The following REEP3 variants were observed in gnomAD, a reference collection of about 807,000 sequenced individuals.
The protein encoded by REEP3 is receptor accessory protein 3, also known as receptor expression-enhancing protein 3.
Under a neutral mutation model 41.3 loss-of-function variants are expected in REEP3, and 20 were observed. The observed-to-expected ratio is 0.48, with a 90% CI of 0.34 to 0.70. REEP3 has a LOEUF of 0.70. Among genes scored for constraint, REEP3 ranks in the 30% least tolerant of loss-of-function variants. The pLI is 0.01. For missense variants in REEP3, 271 were observed against 308.8 expected, an observed-to-expected ratio of 0.88 and a Z score of 0.92; for synonymous variants, 104 against 101.8, an observed-to-expected ratio of 1.02 and a Z score of -0.13.
chr10:63,598,467 G>A (rs1174388485), intron 4 of REEP3, among the ~76,000 whole-genome samples: 1 of 106,120 alleles, frequency 9.4e-6, no homozygotes, highest in Admixed American at 1.4e-4. Context: ...CTGAGTGACA[G>A]AATGAGACTC....
chr10:63,559,691 G>A (rs1955723036), intron 1 of REEP3, among the ~76,000 whole-genome samples: 1 of 152,072 alleles, frequency 6.6e-6, no homozygotes, highest in Non-Finnish European at 1.5e-5. Context: ...CTGTAAAATT[G>A]GTTTTAAAAT....
At chr10:63,605,537 T>A (rs1229609552) in intron 5 of REEP3, among the ~76,000 whole-genome samples, 1 of 152,234 alleles carries the variant, frequency 6.6e-6, no homozygotes, top group Non-Finnish European at 1.5e-5. Flanking sequence ...TATATGTTTT[T>A]AAATCTGTGA....
At chr10:63,582,209 G>A (rs539724757) in intron 2 of REEP3, among the ~76,000 whole-genome samples, 1 of 152,336 alleles carries the variant, frequency 6.6e-6, no homozygotes, top group South Asian at 2.1e-4. Context: ...AGGCTTCCAG[G>A]TGATGCCAGT....
intron 1 of REEP3, among the ~76,000 whole-genome samples, chr10:63,524,335 G>A (rs1955337751): frequency 6.6e-6 from 1 of 152,120 alleles, no homozygotes; most frequent in South Asian, 2.1e-4. Flanking sequence ...ACCTCTGGTA[G>A]CATGGGCAGG....
At chr10:63,562,835 T>G (rs564202871) in intron 1 of REEP3, 1 of 426,796 alleles carries the variant, frequency 2.3e-6, no homozygotes, top group Admixed American at 2.7e-5. Context: ...CAAATATATA[T>G]GTGTTATGGG....
At chr10:63,521,680 A>ACGGGGTAGCCCGGCCT in intron 1 of REEP3, 103 bp downstream of exon 1, 1 of 852,652 alleles carries the variant, frequency 1.2e-6, no homozygotes, top group Non-Finnish European at 1.6e-6. Flanking sequence ...CTGGGCGGGG[A>ACGGGGTAGCCCGGCCT]CGGGGTAGCC....
intron 5 of REEP3, among the ~76,000 whole-genome samples, chr10:63,601,365 T>C (rs1956170340): frequency 6.6e-6 from 1 of 152,196 alleles, no homozygotes; most frequent in Non-Finnish European, 1.5e-5. Flanking sequence ...AAGATTTACC[T>C]ACTGGTTATC....
chr10:63,598,805 G>A (rs1414556298), intron 4 of REEP3, among the ~76,000 whole-genome samples: 5 of 148,794 alleles, frequency 3.4e-5, no homozygotes, highest in East Asian at 2.0e-4. Flanking sequence ...AAAAAGAAGC[G>A]CCTGGGCTGG....
chr10:63,620,425 T>G (rs1956345034), intron 7 of REEP3, among the ~76,000 whole-genome samples: 1 of 152,190 alleles, frequency 6.6e-6, no homozygotes, highest in Admixed American at 6.5e-5. Flanking sequence ...AACCACACAG[T>G]TTTGCTTTCA....
intron 5 of REEP3, among the ~76,000 whole-genome samples, chr10:63,609,813 C>T (rs1481824567): frequency 1.3e-5 from 2 of 151,406 alleles, no homozygotes; most frequent in African/African-American, 4.9e-5. Flanking sequence ...TAAAAGTTGC[C>T]CTAAATATTA....
intron 2 of REEP3, among the ~76,000 whole-genome samples, chr10:63,582,233 A>G (rs2133389831): frequency 6.6e-6 from 1 of 152,366 alleles, no homozygotes; most frequent in East Asian, 1.9e-4. Flanking sequence ...GCTAGTCTGT[A>G]GACCACAGTT....
At chr10:63,602,876 G>A (rs1055591420) in intron 5 of REEP3, among the ~76,000 whole-genome samples, 1 of 152,142 alleles carries the variant, frequency 6.6e-6, no homozygotes, top group African/African-American at 2.4e-5. Flanking sequence ...AGTAGGTACT[G>A]GGAATGTAGC....
At chr10:63,557,915 A>G (rs950249960) in intron 1 of REEP3, among the ~76,000 whole-genome samples, 5 of 152,218 alleles carry the variant, frequency 3.3e-5, no homozygotes, top group African/African-American at 1.2e-4. Flanking sequence ...GCAAGGAATA[A>G]TATAATTCTT....
At chr10:63,573,832 A>G (rs1955874530) in intron 2 of REEP3, among the ~76,000 whole-genome samples, 1 of 152,214 alleles carries the variant, frequency 6.6e-6, no homozygotes, top group Admixed American at 6.5e-5. Context: ...TAATTTTGAT[A>G]AAAAGTATTC....
At chr10:63,573,605 T>A (rs987221945) in intron 2 of REEP3, among the ~76,000 whole-genome samples, 1 of 152,200 alleles carries the variant, frequency 6.6e-6, no homozygotes, top group South Asian at 2.1e-4. Context: ...AATGGCCCTC[T>A]AAAAGTCTGC....
chr10:63,566,432 A>G (rs1187160704), intron 2 of REEP3, 22 bp downstream of exon 2: 6 of 1,287,042 alleles, frequency 4.7e-6, no homozygotes, highest in Non-Finnish European at 6.6e-6. Flanking sequence ...TTTATGAGTG[A>G]TTAATCTGAG....
intron 7 of REEP3, among the ~76,000 whole-genome samples, chr10:63,620,586 A>ATTAATGTTTTTATGTAACT (rs1308819468): frequency 7.5e-6 from 1 of 133,178 alleles, no homozygotes; most frequent in African/African-American, 3.0e-5. Flanking sequence ...AAATAATAGG[A>ATTAATGTTTTTATGTAACT]TTAATGTTTT....
Position 63,528,900 on chromosome 10 carries a change from G to A in REEP3, c.32+7323G>A, listed in dbSNP as rs150518262. Among the ~76,000 whole-genome samples, 298 of 152,226 alleles carry A rather than the reference G, an allele frequency of 2.0e-3. 1 individual carries two copies. The highest frequency in any genetic ancestry group is 6.9e-3 in the African/African-American group (288 of 41,534). ...CACTCCTGCTTTCCTTCCCCGCTCC[G>A]TTGTCTGTAGTATTTGGTACTTCAC... On this transcript the variant is annotated intron_variant, in intron 1 of 7. Coordinates refer to ENST00000373758, the MANE Select transcript of REEP3 (RefSeq NM_001001330.3).
chr10:63,544,425 GACATGGGA>G (rs1395315944), intron 1 of REEP3, among the ~76,000 whole-genome samples: 2 of 152,208 alleles, frequency 1.3e-5, no homozygotes, highest in Non-Finnish European at 1.5e-5. Flanking sequence ...GAGTATTTGG[GACATGGGA>G]ACAGATATGA....
Sources: allele counts gnomAD v4.1 joint callset (sites outside exome capture counted in the v4.1 genomes callset), GRCh38; gene constraint gnomAD v4.1.1; transcripts MANE v1.5; gene names NCBI Gene and HGNC (gene_info 2026-07-23, HGNC 2026-07-21).